RAB23: variants seen among roughly 807,000 people sequenced by gnomAD.
RAB23 encodes ras-related protein Rab-23.
In RAB23, 15 loss-of-function variants were observed where a neutral mutation model predicts 30.0. The observed-to-expected ratio is 0.50, with a 90% CI of 0.33 to 0.77. The LOEUF (loss-of-function observed/expected upper bound fraction) is 0.77, where lower values mean the gene tolerates loss of function less well. Ranked by LOEUF, RAB23 falls within the 30% of genes least tolerant of loss-of-function variation. RAB23 has a pLI of 0.02. For synonymous variants in RAB23, 93 were observed against 94.0 expected (o/e 0.99, Z 0.06); for missense variants, 243 against 275.4 (o/e 0.88, Z 0.83).
At chr6:57,214,519 G>T (rs959816625) in intron 1 of RAB23, among the ~76,000 whole-genome samples, 1 of 152,062 alleles carries the variant, frequency 6.6e-6, no homozygotes, top group Non-Finnish European at 1.5e-5. Flanking sequence ...GGCCAGGCTG[G>T]TCTCAAACTC....
At chr6:57,202,906 A>G (rs930924735) in intron 3 of RAB23, among the ~76,000 whole-genome samples, 2 of 152,124 alleles carry the variant, frequency 1.3e-5, no homozygotes, top group Non-Finnish European at 2.9e-5. Context: ...CATTTAGAAA[A>G]AGAAGACGCT....
In RAB23 at chr6:57,210,264, C is replaced by T. The variant is rs771469793; in HGVS notation, c.117G>A (p.Lys39=). ...YCKGIFTKDY[K]KTIGVDFLER... is the part of the protein sequence containing the mutation. ...CCAAAAAATCAACTCCAATGGTTTT[C>T]TTGTAGTCTTTTGTAAAAATGCCTT... is the stretch of plus-strand genomic sequence containing the variant. The change falls in exon 2 of 7, where the codon AAG becomes AAA. Residue 39 remains lysine (K), a synonymous_variant. Coordinates refer to ENST00000468148, the MANE Select transcript of RAB23 (RefSeq NM_016277.5). 6 of 1,613,928 alleles carry T rather than the reference C, an allele frequency of 3.7e-6. No homozygotes were observed. Among genetic ancestry groups the T allele is most frequent in the Non-Finnish European group, 5.1e-6 (6 of 1,179,918 alleles).
chr6:57,196,657 T>C, intron 3 of RAB23, 51 bp from the exon 4 acceptor site: 1 of 1,579,634 alleles, frequency 6.3e-7, no homozygotes, highest in East Asian at 2.3e-5. Context: ...TACATTAACA[T>C]ATTACATTTA....
Position 57,204,690 on chromosome 6 carries a change from A to G in RAB23, c.241+2938T>C, listed in dbSNP as rs554557227. ...GTAAAAAAGATAATTAGCTTAAAGG[A>G]AACTTTTCAGATATATTTCTAAGCA... On this transcript the variant is annotated intron_variant, in intron 3 of 6. Transcript: ENST00000468148. Among the ~76,000 whole-genome samples, 41 of 152,284 alleles carry G rather than the reference A, an allele frequency of 2.7e-4. 1 individual carries two copies. Among genetic ancestry groups the G allele is most frequent in the African/African-American group, 9.9e-4 (41 of 41,582 alleles).
chr6:57,190,623 G>GTGA, intron 6 of RAB23, 23 bp from the exon 7 acceptor site: 1 of 1,613,462 alleles, frequency 6.2e-7, no homozygotes, highest in East Asian at 2.2e-5. Context: ...AGGGAAAAGA[G>GTGA]TGATTGCCAC....
At position 57,190,274 on chromosome 6, in the gene RAB23, A is replaced by G. The variant is rs1764787452; in HGVS notation, c.*187T>C. 1.5e-6 allele frequency: 1 copy of G among 647,342 alleles called. No individual in the cohort carries two copies. The highest frequency in any genetic ancestry group is 1.9e-5 in the South Asian group (1 of 52,270). 40.1% of individuals were successfully genotyped at this position (647,342 alleles called of 1,614,324 possible). On this transcript the variant is annotated 3_prime_UTR_variant, in exon 7 of 7. Transcript: ENST00000468148. Reference sequence around the variant, plus strand: ...AAAAATTAAAGGAGTCCACAGGGCAATAATTTTTCCACCAGAGGTCTCACT... The same window carrying G: ...AAAAATTAAAGGAGTCCACAGGGCAGTAATTTTTCCACCAGAGGTCTCACT...
At chr6:57,205,398 G>C (rs902620404) in intron 3 of RAB23, among the ~76,000 whole-genome samples, 1 of 152,076 alleles carries the variant, frequency 6.6e-6, no homozygotes, top group African/African-American at 2.4e-5. Context: ...TGTCTCCTAA[G>C]GTCAACTGAA....
Position 57,221,916 on chromosome 6 carries a change from C to A in RAB23, c.-256G>T, listed in dbSNP as rs1766076922. The A allele has an allele frequency of 6.6e-6, 1 of 152,530 alleles. No homozygotes were observed. The highest frequency in any genetic ancestry group is 2.4e-5 in the African/African-American group (1 of 41,480). 9.4% of individuals were successfully genotyped at this position (152,530 alleles called of 1,614,324 possible). ...CGGAGAGTAAGGCACAACCCGGGAC[C>A]CCGGGGAGAAGCTGAGTCTTCCCCA... On this transcript the variant is annotated 5_prime_UTR_variant, in exon 1 of 7. Coordinates refer to ENST00000468148, the MANE Select transcript of RAB23 (RefSeq NM_016277.5).
At chr6:57,218,222 C>T (rs1396280017) in intron 1 of RAB23, among the ~76,000 whole-genome samples, 1 of 152,124 alleles carries the variant, frequency 6.6e-6, no homozygotes, top group East Asian at 1.9e-4. Flanking sequence ...TTTTATGAAG[C>T]CAGCATTATC....
intron 3 of RAB23, among the ~76,000 whole-genome samples, chr6:57,198,482 A>T (rs910028586): frequency 3.3e-5 from 5 of 152,074 alleles, no homozygotes; most frequent in African/African-American, 1.2e-4. Context: ...CCACTGCAAG[A>T]CCAGCCTGGG....
Position 57,221,930 on chromosome 6 carries a change from G to A in RAB23, c.-270C>T, listed in dbSNP as rs1156322608. 1 of 152,544 alleles carries A rather than the reference G, an allele frequency of 6.6e-6. No homozygotes were observed. The highest frequency in any genetic ancestry group is 1.9e-4 in the East Asian group (1 of 5,170). The allele number at this position is 152,544 out of a possible 1,614,324, so 9.4% of individuals were successfully genotyped here. ...CAACCCGGGACCCCGGGGAGAAGCT[G>A]AGTCTTCCCCAGTGGAGCCGGACGA... is the stretch of plus-strand genomic sequence containing the variant. On this transcript the variant is annotated 5_prime_UTR_variant, in exon 1 of 7. Transcript: ENST00000468148.
chr6:57,204,806 C>A (rs1452217595), intron 3 of RAB23, among the ~76,000 whole-genome samples: 1 of 152,066 alleles, frequency 6.6e-6, no homozygotes, highest in Non-Finnish European at 1.5e-5. Context: ...AACAGAGACA[C>A]TTAATACACA....
In RAB23 at chr6:57,187,418, A is replaced by G. The variant is rs1764643223; in HGVS notation, c.*3043T>C. On this transcript the variant is annotated 3_prime_UTR_variant, in exon 7 of 7. Transcript: ENST00000468148. ...ATGTTTTATAGCTGAAAACCTAAGG[A>G]GTGACAATAGTACATGTGACATTCT... is the stretch of plus-strand genomic sequence containing the variant. 6.6e-6 allele frequency: 1 copy of G among 152,190 alleles called. No homozygotes were observed. The highest frequency in any genetic ancestry group is 2.4e-5 in the African/African-American group (1 of 41,442). 9.4% of individuals were successfully genotyped at this position (152,190 alleles called of 1,614,324 possible). A position where few individuals can be genotyped will look rare whatever the true frequency, so the allele number is the denominator to read the frequency against.
intron 1 of RAB23, among the ~76,000 whole-genome samples, chr6:57,211,127 C>T (rs1454285982): frequency 6.6e-6 from 1 of 152,076 alleles, no homozygotes; most frequent in Non-Finnish European, 1.5e-5. Flanking sequence ...TGTTTAGACT[C>T]GGGTCCTGTC....
At chr6:57,220,842 T>C (rs775813109) in intron 1 of RAB23, among the ~76,000 whole-genome samples, 21 of 152,128 alleles carry the variant, frequency 1.4e-4, no homozygotes, top group Non-Finnish European at 2.1e-4. Context: ...AAAAAATCAA[T>C]TTTACCATAC....
In RAB23 at chr6:57,188,706, G is replaced by GTGAC. The variant is rs1764710803; in HGVS notation, c.*1751_*1754dup. 6.6e-6 allele frequency: 1 copy of GTGAC among 152,118 alleles called. No individual in the cohort carries two copies. The highest frequency in any genetic ancestry group is 2.4e-5 in the African/African-American group (1 of 41,412). 9.4% of individuals were successfully genotyped at this position (152,118 alleles called of 1,614,324 possible). Reference sequence around the variant, plus strand: ...TCAGCAATGGGAGTGGTGACAACTGGTGACATAAAAATAAGCATTTTACAT... The same window carrying GTGAC: ...TCAGCAATGGGAGTGGTGACAACTGGTGACTGACATAAAAATAAGCATTTTACAT... On this transcript the variant is annotated 3_prime_UTR_variant, in exon 7 of 7. Coordinates refer to ENST00000468148, the MANE Select transcript of RAB23 (RefSeq NM_016277.5).
chr6:57,220,555 T>C (rs1378707417), intron 1 of RAB23, among the ~76,000 whole-genome samples: 2 of 152,034 alleles, frequency 1.3e-5, no homozygotes, highest in African/African-American at 4.8e-5. Context: ...CATAATAAAA[T>C]AGTACTCAGC....
At chr6:57,199,249 G>C (rs182956914) in intron 3 of RAB23, among the ~76,000 whole-genome samples, 267 of 152,260 alleles carry the variant, frequency 1.8e-3, no homozygotes, top group African/African-American at 5.6e-3. Context: ...GATGCCTCTG[G>C]GTGGCGGGGG....
At chr6:57,200,266 C>T (rs374640073) in intron 3 of RAB23, among the ~76,000 whole-genome samples, 12 of 150,096 alleles carry the variant, frequency 8.0e-5, no homozygotes, top group African/African-American at 2.2e-4. Context: ...TGGCCGGGTG[C>T]GGTGGCTCAT....
Sources: allele counts gnomAD v4.1 joint callset (sites outside exome capture counted in the v4.1 genomes callset), GRCh38; gene constraint gnomAD v4.1.1; transcripts MANE v1.5; gene names NCBI Gene and HGNC (gene_info 2026-07-23, HGNC 2026-07-21).